The following SESTD1 variants were observed in gnomAD, a reference collection of about 807,000 sequenced individuals.
The protein encoded by SESTD1 is SEC14 and spectrin domain containing 1.
SESTD1 carries 43 observed loss-of-function variants against 101.7 expected under a neutral mutation model. The observed-to-expected ratio is 0.42, with a 90% CI of 0.33 to 0.55. The LOEUF is 0.55. Among genes scored for constraint, SESTD1 ranks in the 20% least tolerant of loss-of-function variants. The pLI is 0.07. For synonymous variants in SESTD1, 283 were observed against 286.8 expected (o/e 0.99, Z 0.13); for missense variants, 647 against 815.1 (o/e 0.79, Z 2.51).
chr2:179,105,430 A>T lies in SESTD1; in HGVS notation c.*4469T>A, dbSNP rs2044360713. ...ATTTGTCAGATTTCAAAGCCTTGTT[A>T]TTTACTGATGAGCTTACCAACTGGA... is the stretch of plus-strand genomic sequence containing the variant. On this transcript the variant is annotated 3_prime_UTR_variant, in exon 18 of 18. Coordinates refer to ENST00000428443, the MANE Select transcript of SESTD1 (RefSeq NM_178123.5). The T allele has an allele frequency of 6.6e-6, 1 of 151,730 alleles. No homozygotes were observed. The highest frequency in any genetic ancestry group is 2.1e-4 in the South Asian group (1 of 4,828). The allele number at this position is 151,730 out of a possible 1,614,324, so 9.4% of individuals were successfully genotyped here.
At chr2:179,227,701 C>A (rs1340280169) in intron 1 of SESTD1, among the ~76,000 whole-genome samples, 1 of 152,104 alleles carries the variant, frequency 6.6e-6, no homozygotes, top group Non-Finnish European at 1.5e-5. Flanking sequence ...AGGTAGGAGG[C>A]ACCGAAGTAG....
rs1340742500 is a variant in SESTD1 at position 179,103,187 on chromosome 2, T to A, written c.*6712A>T. The stretch of plus-strand genomic sequence containing the variant: ...CTAAAGTTTCAGGCATAGGAACCCC[T>A]TGAGGAGCTGTCTGGGGCAGACAGG... On this transcript the variant is annotated 3_prime_UTR_variant, in exon 18 of 18. Coordinates refer to ENST00000428443, the MANE Select transcript of SESTD1 (RefSeq NM_178123.5). 6.6e-6 allele frequency: 1 copy of A among 152,118 alleles called. No homozygotes were observed. The highest frequency in any genetic ancestry group is 1.5e-5 in the Non-Finnish European group (1 of 68,000). The allele number at this position is 152,118 out of a possible 1,614,324, so 9.4% of individuals were successfully genotyped here.
intron 1 of SESTD1, among the ~76,000 whole-genome samples, chr2:179,249,212 T>TAAA (rs58597141): frequency 0.12 from 14,619 of 125,774 alleles, 1,041 homozygotes; most frequent in South Asian, 0.19. Context: ...GCATACAGAT[T>TAAA]AAAAAAAAAA....
chr2:179,234,061 C>T (rs1057207023), intron 1 of SESTD1, among the ~76,000 whole-genome samples: 5 of 152,120 alleles, frequency 3.3e-5, no homozygotes, highest in African/African-American at 4.8e-5. Context: ...GTTTGCCCTC[C>T]GTAATGCAGG....
At chr2:179,161,743 T>C (rs2045740786) in intron 5 of SESTD1, among the ~76,000 whole-genome samples, 1 of 152,316 alleles carries the variant, frequency 6.6e-6, no homozygotes, top group East Asian at 1.9e-4. Flanking sequence ...ATTTTAACTT[T>C]TATACTTTTA....
chr2:179,199,187 A>T (rs951775613), intron 1 of SESTD1, among the ~76,000 whole-genome samples: 14 of 152,130 alleles, frequency 9.2e-5, no homozygotes, highest in Non-Finnish European at 2.1e-4. Flanking sequence ...CTCTACGCAA[A>T]TAAACTAGAA....
At chr2:179,174,615 A>T (rs1229515046) in intron 4 of SESTD1, among the ~76,000 whole-genome samples, 3 of 152,208 alleles carry the variant, frequency 2.0e-5, no homozygotes, top group African/African-American at 7.2e-5. Context: ...TTTCAAAGAA[A>T]AAGTTATTTT....
chr2:179,171,275 G>A (rs2045925523), intron 5 of SESTD1, among the ~76,000 whole-genome samples: 1 of 152,044 alleles, frequency 6.6e-6, no homozygotes, highest in Admixed American at 6.5e-5. Flanking sequence ...GAAATTTCAA[G>A]CCATCTCCTT....
At chr2:179,188,393 T>C (rs1185918038) in intron 2 of SESTD1, among the ~76,000 whole-genome samples, 1 of 152,212 alleles carries the variant, frequency 6.6e-6, no homozygotes, top group Non-Finnish European at 1.5e-5. Context: ...AAAACAGTGA[T>C]ACAACGTATC....
At chr2:179,170,780 A>C (rs898058703) in intron 5 of SESTD1, among the ~76,000 whole-genome samples, 6 of 152,166 alleles carry the variant, frequency 3.9e-5, no homozygotes, top group African/African-American at 1.4e-4. Flanking sequence ...TGAGTTAGTT[A>C]ATCACTAATG....
intron 15 of SESTD1, 162 bp downstream of exon 15, chr2:179,116,506 A>G: frequency 1.9e-6 from 2 of 1,051,604 alleles, no homozygotes; most frequent in African/African-American, 1.6e-5. Context: ...AAGTTTATGC[A>G]GGCTAGTTTT....
intron 1 of SESTD1, among the ~76,000 whole-genome samples, chr2:179,244,881 T>A (rs1211859771): frequency 6.6e-6 from 1 of 152,174 alleles, no homozygotes; most frequent in Non-Finnish European, 1.5e-5. Flanking sequence ...ATGATTATAT[T>A]ACAAATGGGG....
chr2:179,116,777 AG>A lies in SESTD1; in HGVS notation c.1537del (p.Leu513Ter). 2.5e-6 allele frequency: 4 copies of A among 1,613,946 alleles called. No homozygotes were observed. The highest frequency in any genetic ancestry group is 3.4e-6 in the Non-Finnish European group (4 of 1,179,854). On this transcript the variant is annotated frameshift_variant, in exon 15 of 18. Transcript: ENST00000428443. LOFTEE classifies it high-confidence loss of function. ...EEDAAQAVEW[L>X]SELLDALLKT... ...AAGCAGAGCATCCAGAAGTTCACTT[AG>A]CCATTCTACTGCCTAAACAAAAAGA...
chr2:179,199,712 T>G (rs891548616), intron 1 of SESTD1, among the ~76,000 whole-genome samples: 10 of 152,202 alleles, frequency 6.6e-5, no homozygotes, highest in Non-Finnish European at 1.5e-4. Flanking sequence ...AACCACATGA[T>G]TATTTCAATA....
At chr2:179,113,170 TAAG>T (rs531347981) in intron 16 of SESTD1, among the ~76,000 whole-genome samples, 46 of 152,340 alleles carry the variant, frequency 3.0e-4, no homozygotes, top group East Asian at 9.6e-4. Flanking sequence ...AATCTGTCCT[TAAG>T]AAGTATTCTT....
At chr2:179,144,870 A>C (rs1411915874) in intron 8 of SESTD1, among the ~76,000 whole-genome samples, 1 of 151,954 alleles carries the variant, frequency 6.6e-6, no homozygotes, top group African/African-American at 2.4e-5. Context: ...TAATTCAATG[A>C]ATTAAAATAA....
intron 1 of SESTD1, among the ~76,000 whole-genome samples, chr2:179,259,804 T>C (rs1287646805): frequency 1.3e-5 from 2 of 152,228 alleles, no homozygotes; most frequent in African/African-American, 2.4e-5. Flanking sequence ...ATAACTGCCC[T>C]ATAAGTGTTA....
At chr2:179,111,418 C>A (rs2044503272) in intron 17 of SESTD1, among the ~76,000 whole-genome samples, 1 of 151,982 alleles carries the variant, frequency 6.6e-6, no homozygotes, top group Non-Finnish European at 1.5e-5. Flanking sequence ...TCAGGTAATT[C>A]CCACACCCCC....
At chr2:179,229,072 G>C (rs1184718089) in intron 1 of SESTD1, among the ~76,000 whole-genome samples, 1 of 152,148 alleles carries the variant, frequency 6.6e-6, no homozygotes. Context: ...GAGGATTCAA[G>C]GAGGTAGTCT....
Sources: allele counts gnomAD v4.1 joint callset (sites outside exome capture counted in the v4.1 genomes callset), GRCh38; gene constraint gnomAD v4.1.1; transcripts MANE v1.5; gene names NCBI Gene and HGNC (gene_info 2026-07-23, HGNC 2026-07-21).